GCFC2: variants seen among roughly 807,000 people sequenced by gnomAD.
GCFC2 encodes intron Large complex component GCFC2.
GCFC2 carries 102 observed loss-of-function variants against 99.4 expected under a neutral mutation model. The ratio of observed to expected loss-of-function variants is 1.03; its 90% CI spans 0.87 to 1.21. The LOEUF is 1.21. GCFC2 is among the 50% of genes most tolerant of loss of function. The pLI, the probability that GCFC2 is intolerant of heterozygous loss-of-function variation, is 0.00. For synonymous variants in GCFC2, 338 were observed against 316.8 expected, an observed-to-expected ratio of 1.07 and a Z score of -0.71; for missense variants, 973 against 920.9, an observed-to-expected ratio of 1.06 and a Z score of -0.73.
At chr2:75,698,896 C>T (rs566727302) in intron 4 of GCFC2, among the ~76,000 whole-genome samples, 5 of 151,760 alleles carry the variant, frequency 3.3e-5, no homozygotes, top group Middle Eastern at 3.4e-3. Context: ...CGTGTAGTCC[C>T]AGCTACTCAG....
chr2:75,702,553 T>C (rs1680657155), intron 2 of GCFC2, 130 bp from the exon 3 acceptor site: 6 of 668,300 alleles, frequency 9.0e-6, no homozygotes, highest in Non-Finnish European at 1.5e-5. Context: ...AATGTGACTT[T>C]AATAAATGGC....
chr2:75,683,666 C>G lies in GCFC2; in HGVS notation c.1691-3352G>C, dbSNP rs190359383. On this transcript the variant is annotated intron_variant, in intron 11 of 16. Transcript: ENST00000321027. ...CAGACTGGCAAATTGAATAAAGTGT[C>G]AAGACCCATCAATGTGCTGTATTCA... Among the ~76,000 whole-genome samples, 21 of 142,714 alleles carry G rather than the reference C, an allele frequency of 1.5e-4. No individual in the cohort carries two copies. The East Asian group carries it at 3.5e-3, about 24-fold the overall frequency. The allele number at this position is 142,714 out of a possible 152,430, so 93.6% of individuals were successfully genotyped here. A position where few individuals can be genotyped will look rare whatever the true frequency, so the allele number is the denominator to read the frequency against.
intron 10 of GCFC2, among the ~76,000 whole-genome samples, chr2:75,688,462 CTTT>C (rs965650813): frequency 2.0e-5 from 3 of 151,640 alleles, no homozygotes; most frequent in Non-Finnish European, 4.4e-5. Context: ...GTTCATACTT[CTTT>C]TTTTTTCTTT....
chr2:75,681,509 G>T (rs113686682), intron 11 of GCFC2, among the ~76,000 whole-genome samples: 1 of 151,840 alleles, frequency 6.6e-6, no homozygotes, highest in African/African-American at 2.4e-5. Flanking sequence ...GTGGCTGTTT[G>T]GGCAGACATC....
intron 11 of GCFC2, among the ~76,000 whole-genome samples, chr2:75,681,190 G>A (rs1679560025): frequency 6.6e-6 from 1 of 152,202 alleles, no homozygotes; most frequent in African/African-American, 2.4e-5. Context: ...CGAGATGGAC[G>A]TAGAAGGCCG....
At position 75,710,735 on chromosome 2, in the gene GCFC2, C is replaced by A; in HGVS notation, c.121G>T (p.Ala41Ser). 1 of 1,559,612 alleles carries A rather than the reference C, an allele frequency of 6.4e-7. No individual in the cohort carries two copies. Among genetic ancestry groups the A allele is most frequent in the African/African-American group, 1.4e-5 (1 of 71,284 alleles). ...APRELPVPGS[A>S]EEEPPSGGGR... The stretch of plus-strand genomic sequence containing the variant: ...CCTCCAGAGGGCGGCTCTTCCTCCG[C>A]AGAACCCGGGACCGGAAGTTCCCTC... The change falls in exon 1 of 17, where the codon GCG becomes TCG. Residue 41 changes from alanine to serine, a missense_variant. Ala to Ser is a moderately conservative substitution (Grantham distance 99). Transcript: ENST00000321027.
At chr2:75,705,635 A>AAAAAAG (rs1229249532) in intron 2 of GCFC2, among the ~76,000 whole-genome samples, 2 of 151,004 alleles carry the variant, frequency 1.3e-5, no homozygotes, top group Non-Finnish European at 3.0e-5. Context: ...AAAAAAAAAA[A>AAAAAAG]AAGAAGCACA....
intron 11 of GCFC2, among the ~76,000 whole-genome samples, chr2:75,687,454 T>C (rs1275652675): frequency 1.3e-5 from 2 of 152,016 alleles, no homozygotes; most frequent in Non-Finnish European, 2.9e-5. Flanking sequence ...ACTGTAGCAC[T>C]TGGAAGTCAA....
chr2:75,697,170 G>C (rs1439174171), intron 4 of GCFC2, among the ~76,000 whole-genome samples: 6 of 152,184 alleles, frequency 3.9e-5, no homozygotes, highest in African/African-American at 1.4e-4. Context: ...TTTCACATTA[G>C]TGTCCTCTGT....
rs1226785669 is a variant in GCFC2, at chr2:75,710,835, C to T, written c.21G>A (p.Arg7=). The T allele has an allele frequency of 6.3e-7, 1 of 1,575,930 alleles. No homozygotes were observed. The highest frequency in any genetic ancestry group is 8.6e-7 in the Non-Finnish European group (1 of 1,169,106). The change falls in exon 1 of 17, where the codon AGG becomes AGA. Residue 7 remains arginine, a synonymous_variant. Coordinates refer to ENST00000321027, the MANE Select transcript of GCFC2 (RefSeq NM_003203.5). The stretch of plus-strand genomic sequence containing the variant: ...AATCAGCCGCGCGCTGCCGAAAAGT[C>T]CTTTTCGGCCTGTGAGCCATGGCCG... MAHRPK[R]TFRQRAADSS... is the part of the protein sequence containing the mutation.
intron 15 of GCFC2, among the ~76,000 whole-genome samples, chr2:75,666,948 C>A (rs1262059470): frequency 6.6e-6 from 1 of 152,106 alleles, no homozygotes; most frequent in African/African-American, 2.4e-5. Context: ...AAGCTCCGTG[C>A]TACGTGTGGG....
At chr2:75,669,256 A>AT (rs1226874089) in intron 15 of GCFC2, among the ~76,000 whole-genome samples, 2 of 152,112 alleles carry the variant, frequency 1.3e-5, no homozygotes. Flanking sequence ...ACAACTTTTT[A>AT]TTTCCTAGAT....
In GCFC2 at chr2:75,680,091, T is replaced by C. The variant is rs140835096; in HGVS notation, c.1812+102A>G. The C allele has an allele frequency of 9.5e-4, 721 of 757,112 alleles. 6 individuals are homozygous for C. The African/African-American group carries it at 0.011, about 12-fold the overall frequency. The allele number at this position is 757,112 out of a possible 1,614,324, so 46.9% of individuals were successfully genotyped here. Reference sequence around the variant, plus strand: ...GTAAATATGTTTTCCCCCAAACAGTTTTCTGATAATCACTTCTGCATCTTT... The same window carrying C: ...GTAAATATGTTTTCCCCCAAACAGTCTTCTGATAATCACTTCTGCATCTTT... On this transcript the variant is annotated intron_variant, in intron 12 of 16. Coordinates refer to ENST00000321027, the MANE Select transcript of GCFC2 (RefSeq NM_003203.5).
intron 4 of GCFC2, among the ~76,000 whole-genome samples, chr2:75,696,817 G>C (rs977715333): frequency 2.0e-5 from 3 of 151,576 alleles, no homozygotes; most frequent in Non-Finnish European, 4.4e-5. Flanking sequence ...ATGGAGTCTC[G>C]TTCTGTTGCC....
intron 2 of GCFC2, 64 bp from the exon 3 acceptor site, chr2:75,702,487 T>C: frequency 7.6e-7 from 1 of 1,316,622 alleles, no homozygotes; most frequent in South Asian, 1.4e-5. Context: ...ATTCCTCACA[T>C]TTAAGAAAAA....
At chr2:75,669,254 T>G (rs1340160607) in intron 15 of GCFC2, among the ~76,000 whole-genome samples, 1 of 152,192 alleles carries the variant, frequency 6.6e-6, no homozygotes, top group Non-Finnish European at 1.5e-5. Context: ...TAACAACTTT[T>G]TATTTCCTAG....
chr2:75,689,142 G>A lies in GCFC2; in HGVS notation c.1423C>T (p.Gln475Ter). ...CNIQNILLKF[Q>*]QWREKFPDSY... ...TCAGGAAACTTTTCTCGCCATTGCT[G>A]AAATTTCAACAAAATATTCTGGATG... Residue 475 changes from glutamine (Q) to a stop codon, truncating the protein, a stop_gained, in exon 10 of 17, where the codon CAG becomes TAG. Coordinates refer to ENST00000321027, the MANE Select transcript of GCFC2 (RefSeq NM_003203.5). LOFTEE classifies it high-confidence loss of function. 1.2e-6 allele frequency: 2 copies of A among 1,601,106 alleles called. No homozygotes were observed. The highest frequency in any genetic ancestry group is 1.7e-6 in the Non-Finnish European group (2 of 1,169,718).
intron 14 of GCFC2, among the ~76,000 whole-genome samples, chr2:75,671,487 A>G (rs1015323348): frequency 6.6e-6 from 1 of 152,150 alleles, no homozygotes; most frequent in African/African-American, 2.4e-5. Flanking sequence ...ACTCCTTTCA[A>G]TGCTTCCTCC....
intron 2 of GCFC2, 111 bp downstream of exon 2, chr2:75,706,408 ATCAT>A: frequency 1.5e-6 from 1 of 668,598 alleles, no homozygotes; most frequent in Non-Finnish European, 2.5e-6. Context: ...TCTGACAATC[ATCAT>A]TAATGACCTA....
Sources: allele counts gnomAD v4.1 joint callset (sites outside exome capture counted in the v4.1 genomes callset), GRCh38; gene constraint gnomAD v4.1.1; transcripts MANE v1.5; gene names NCBI Gene and HGNC (gene_info 2026-07-23, HGNC 2026-07-21).